CFAP97D2: variants seen among roughly 807,000 people sequenced by gnomAD.
The protein encoded by CFAP97D2 is CFAP97 domain containing 2.
At chr13:114,192,501 C>G (rs1028001719) in intron 1 of CFAP97D2, among the ~76,000 whole-genome samples, 5 of 152,166 alleles carry the variant, frequency 3.3e-5, no homozygotes, top group Admixed American at 1.3e-4. Flanking sequence ...GACCAGTTAT[C>G]AGACAGTTAT....
rs1162650069 is a variant in CFAP97D2, at chr13:114,185,015, G to A, written c.90+5595G>A. 6.6e-6 allele frequency among the ~76,000 whole-genome samples: 1 copy of A among 152,196 alleles called. No homozygotes were observed. Reference sequence around the variant, plus strand: ...TCATCATGTCAGTTGCAGTGGGTGGGGGGTGGTGCATGGGTGGTGGTGGTG... The same window carrying A: ...TCATCATGTCAGTTGCAGTGGGTGGAGGGTGGTGCATGGGTGGTGGTGGTG... On this transcript the variant is annotated intron_variant, in intron 1 of 4. Transcript: ENST00000646158. This position sits in a 1 kb window ranked among gnomAD's most constrained non-coding sequence, Gnocchi z 5.2.
At chr13:114,214,334 C>A (rs557141953) in intron 4 of CFAP97D2, 1 of 152,338 alleles carries the variant, frequency 6.6e-6, no homozygotes, top group South Asian at 2.1e-4. Context: ...ACTCTGAAGG[C>A]ATTCAGAAAA....
At chr13:114,214,886 T>C (rs2080986774) in intron 4 of CFAP97D2, among the ~76,000 whole-genome samples, 1 of 151,958 alleles carries the variant, frequency 6.6e-6, no homozygotes, top group South Asian at 2.1e-4. Context: ...TTTTTAGCAA[T>C]TACAAAATAT....
intron 2 of CFAP97D2, among the ~76,000 whole-genome samples, chr13:114,197,728 G>A (rs1393867008): frequency 2.6e-5 from 4 of 152,180 alleles, no homozygotes; most frequent in Admixed American, 2.0e-4. Context: ...TGTCGCCCAG[G>A]CTGGAGTCCA....
intron 1 of CFAP97D2, among the ~76,000 whole-genome samples, chr13:114,188,139 C>G (rs1594514174): frequency 1.3e-5 from 2 of 151,622 alleles, no homozygotes; most frequent in African/African-American, 4.8e-5. Flanking sequence ...GTTTAATTAA[C>G]CAGGCATGGT....
chr13:114,215,973 G>A (rs1594522929), intron 4 of CFAP97D2: 1 of 152,350 alleles, frequency 6.6e-6, no homozygotes, highest in East Asian at 1.9e-4. Context: ...AAACCTGCAG[G>A]AAGTTTTGGG....
intron 1 of CFAP97D2, among the ~76,000 whole-genome samples, chr13:114,193,665 A>G (rs888726234): frequency 6.6e-6 from 1 of 152,248 alleles, no homozygotes. Flanking sequence ...TAAATTTTGG[A>G]GAATATATTT....
intron 4 of CFAP97D2, among the ~76,000 whole-genome samples, chr13:114,214,649 C>T (rs112139635): frequency 2.0e-5 from 3 of 152,062 alleles, no homozygotes; most frequent in African/African-American, 7.2e-5. Flanking sequence ...TGCAGTGGCG[C>T]GATCTTGGCT....
chr13:114,180,074 G>A (rs937876081), intron 1 of CFAP97D2, among the ~76,000 whole-genome samples: 2 of 152,226 alleles, frequency 1.3e-5, no homozygotes, highest in African/African-American at 4.8e-5. Context: ...TTGTTTGAGG[G>A]CATCGCCATG....
chr13:114,221,372 T>C (rs1044058761), intron 4 of CFAP97D2, among the ~76,000 whole-genome samples: 1 of 152,270 alleles, frequency 6.6e-6, no homozygotes, highest in Non-Finnish European at 1.5e-5. Context: ...CTCAGTTTAC[T>C]GATTCCGGGA....
Position 114,207,214 on chromosome 13 carries a change from G to A in CFAP97D2, c.291-4698G>A, listed in dbSNP as rs566256300. On this transcript the variant is annotated intron_variant, in intron 3 of 4. Transcript: ENST00000646158. The surrounding 1 kb of genome is among the most constrained non-coding windows in gnomAD (Gnocchi z 4.9). Reference sequence around the variant, plus strand: ...GGCACACAGAAAGTCCTCAGGGCTCGCAAACCAGAAAGTATCTAGACAGGT... The same window carrying A: ...GGCACACAGAAAGTCCTCAGGGCTCACAAACCAGAAAGTATCTAGACAGGT... 5.3e-5 allele frequency among the ~76,000 whole-genome samples: 8 copies of A among 152,320 alleles called. No individual in the cohort carries two copies. The South Asian group carries it at 1.4e-3, about 28-fold the overall frequency.
At chr13:114,206,092 T>G (rs1196018284) in intron 3 of CFAP97D2, among the ~76,000 whole-genome samples, 1 of 149,898 alleles carries the variant, frequency 6.7e-6, no homozygotes, top group Non-Finnish European at 1.5e-5. Flanking sequence ...TACAGTAGCT[T>G]TTTTTCTTTT....
rs1311201191 is a variant in CFAP97D2 at position 114,222,018 on chromosome 13, T to C, written c.481-480T>C. ...GTATAGCCATAGAATGGAATATTAT[T>C]CTACCATAAAAAGGAATGATACTAG... is the stretch of plus-strand genomic sequence containing the variant. On this transcript the variant is annotated intron_variant, in intron 4 of 4. Transcript: ENST00000646158. The surrounding 1 kb of genome is among the most constrained non-coding windows in gnomAD (Gnocchi z 4.4). Among the ~76,000 whole-genome samples, 5 of 152,224 alleles carry C rather than the reference T, an allele frequency of 3.3e-5. No homozygotes were observed. The highest frequency in any genetic ancestry group is 7.3e-5 in the Non-Finnish European group (5 of 68,046).
intron 4 of CFAP97D2, among the ~76,000 whole-genome samples, chr13:114,221,316 T>G (rs922657845): frequency 1.3e-5 from 2 of 152,212 alleles, no homozygotes; most frequent in African/African-American, 4.8e-5. Flanking sequence ...TTTCTTTCCT[T>G]TTTCCTCCTG....
In CFAP97D2 at chr13:114,201,662, C is replaced by T. The variant is rs994112818; in HGVS notation, c.290+1219C>T. ...GGCTATTTCATGTCTCAGTTGACTC[C>T]ATTCTTTAACAAAGGACACTTGCCG... On this transcript the variant is annotated intron_variant, in intron 3 of 4. Coordinates refer to ENST00000646158, the Ensembl canonical transcript of CFAP97D2. Among the ~76,000 whole-genome samples the T allele has an allele frequency of 7.9e-5, 12 of 152,326 alleles. No homozygotes were observed. In the South Asian group the frequency reaches 2.5e-3, roughly 32 times the overall value.
chr13:114,210,421 A>G (rs2080961653), intron 3 of CFAP97D2, among the ~76,000 whole-genome samples: 1 of 152,182 alleles, frequency 6.6e-6, no homozygotes, highest in Admixed American at 6.5e-5. Flanking sequence ...TTTGACCCTC[A>G]TAAAATGTCA....
Position 114,189,870 on chromosome 13 carries a change from T to C in CFAP97D2, c.91-6526T>C, listed in dbSNP as rs1229556259. Among the ~76,000 whole-genome samples the C allele has an allele frequency of 6.6e-6, 1 of 152,204 alleles. No homozygotes were observed. Among genetic ancestry groups the C allele is most frequent in the Non-Finnish European group, 1.5e-5 (1 of 68,040 alleles). ...ATAAAGAATATCTCCAGGCTGGGCATGGTGGCTCGCCCTGTAATCAGAACA... is the reference window on the plus strand; with the variant it reads ...ATAAAGAATATCTCCAGGCTGGGCACGGTGGCTCGCCCTGTAATCAGAACA... On this transcript the variant is annotated intron_variant, in intron 1 of 4. Coordinates refer to ENST00000646158, the Ensembl canonical transcript of CFAP97D2. The surrounding 1 kb of genome is among the most constrained non-coding windows in gnomAD (Gnocchi z 4.5).
At chr13:114,198,349 G>C (rs1012092421) in intron 2 of CFAP97D2, among the ~76,000 whole-genome samples, 2 of 152,220 alleles carry the variant, frequency 1.3e-5, no homozygotes, top group African/African-American at 2.4e-5. Context: ...AACTGAAGCC[G>C]AGTAACCAGT....
chr13:114,211,953 G>A lies in CFAP97D2; in HGVS notation c.332G>A (p.Arg111Gln), dbSNP rs181606777. Reference sequence around the variant, plus strand: ...AGAGAACAGGAACTTCGCAGAGTGCGGAAGAAAACACGGCCATTCTGGAAG... The same window carrying A: ...AGAGAACAGGAACTTCGCAGAGTGCAGAAGAAAACACGGCCATTCTGGAAG... The change falls in exon 4 of 5, where the codon CGG becomes CAG. Residue 111 changes from arginine to glutamine, a missense_variant. Transcript: ENST00000646158. This position sits in a 1 kb window ranked among gnomAD's most constrained non-coding sequence, Gnocchi z 4.2. 4.8e-4 allele frequency: 191 copies of A among 398,702 alleles called. 2 individuals are homozygous for A. The highest frequency in any genetic ancestry group is 3.1e-3 in the East Asian group (86 of 28,078). 24.7% of individuals were successfully genotyped at this position (398,702 alleles called of 1,614,324 possible). A position where few individuals can be genotyped will look rare whatever the true frequency, so the allele number is the denominator to read the frequency against.
Sources: gnomAD v4.1 joint callset for allele counts (sites outside exome capture counted in the v4.1 genomes callset) on GRCh38, gnomAD v4.1.1 for gene constraint, Gnocchi (gnomAD v3.1) non-coding constraint, MANE v1.5 for transcripts, NCBI Gene and HGNC (gene_info 2026-07-23, HGNC 2026-07-21) for gene names.